SEC24B: variants seen among roughly 807,000 people sequenced by gnomAD.
The protein encoded by SEC24B is SEC24 homolog B, COPII component, also known as protein transport protein Sec24B.
Under a neutral mutation model 142.8 loss-of-function variants are expected in SEC24B, and 45 were observed. The ratio of observed to expected loss-of-function variants is 0.32; its 90% CI spans 0.25 to 0.40. The LOEUF (loss-of-function observed/expected upper bound fraction) is 0.40, where lower values mean the gene tolerates loss of function less well. Among genes scored for constraint, SEC24B ranks in the 10% least tolerant of loss-of-function variants. The pLI, the probability that SEC24B is intolerant of heterozygous loss-of-function variation, is 1.00. For missense variants in SEC24B, 1,409 were observed against 1,526.8 expected (o/e 0.92, Z 1.29); for synonymous variants, 574 against 568.2 (o/e 1.01, Z -0.15).
chr4:109,439,526 G>C (rs1275279090), intron 1 of SEC24B, among the ~76,000 whole-genome samples: 1 of 45,406 alleles, frequency 2.2e-5, no homozygotes, highest in Admixed American at 4.1e-4. Context: ...TTTTGAGACT[G>C]AGTTTCAGTC....
intron 1 of SEC24B, among the ~76,000 whole-genome samples, chr4:109,445,945 CAAATT>C (rs1254701675): frequency 6.8e-6 from 1 of 147,254 alleles, no homozygotes; most frequent in African/African-American, 2.5e-5. Context: ...GTGCAATAAT[CAAATT>C]AATTTATTCT....
At chr4:109,445,226 TTTTC>T (rs1241772653) in intron 1 of SEC24B, among the ~76,000 whole-genome samples, 10 of 149,924 alleles carry the variant, frequency 6.7e-5, no homozygotes, top group Non-Finnish European at 1.2e-4. Flanking sequence ...TTTTTTAGTT[TTTTC>T]TTTCTTTCTT....
intron 2 of SEC24B, among the ~76,000 whole-genome samples, chr4:109,469,034 G>A (rs1649032470): frequency 6.6e-6 from 1 of 152,158 alleles, no homozygotes; most frequent in African/African-American, 2.4e-5. Context: ...GGCTCAGCCT[G>A]TAATTGCAGC....
intron 1 of SEC24B, among the ~76,000 whole-genome samples, chr4:109,457,266 G>C (rs1730780839): frequency 6.6e-6 from 1 of 152,206 alleles, no homozygotes; most frequent in Non-Finnish European, 1.5e-5. Context: ...TTTTTCTGCA[G>C]TTATGAAGTC....
Position 109,463,591 on chromosome 4 carries a change from T to C in SEC24B, c.824T>C (p.Ile275Thr). 6.2e-7 allele frequency: 1 copy of C among 1,614,084 alleles called. No homozygotes were observed. Among genetic ancestry groups the C allele is most frequent in the East Asian group, 2.2e-5 (1 of 44,878 alleles). ...CTTCCATCGACTCAAGACAATCTCA[T>C]CCGAAACCACACAGGATCCCTGGCT... ...PGLPSTQDNL[I>T]RNHTGSLAVA... The change falls in exon 2 of 24, where the codon ATC becomes ACC. Residue 275 changes from isoleucine (I) to threonine (T), a missense_variant. Physicochemically the swap from Ile to Thr is moderately conservative, Grantham distance 89. Coordinates refer to ENST00000265175, the MANE Select transcript of SEC24B (RefSeq NM_006323.5).
chr4:109,528,330 G>A (rs1386460558), intron 18 of SEC24B, among the ~76,000 whole-genome samples: 1 of 151,734 alleles, frequency 6.6e-6, no homozygotes, highest in Non-Finnish European at 1.5e-5. Context: ...GGAGGTTGAG[G>A]CAGGAAAATC....
At chr4:109,531,307 T>C (rs1724904303) in intron 19 of SEC24B, 78 bp from the exon 20 acceptor site, 3 of 1,205,154 alleles carry the variant, frequency 2.5e-6, no homozygotes, top group Middle Eastern at 4.4e-4. Context: ...TTTTCCATGA[T>C]TGACAGTGTA....
chr4:109,517,013 C>T (rs1238872456), intron 11 of SEC24B, among the ~76,000 whole-genome samples: 1 of 152,076 alleles, frequency 6.6e-6, no homozygotes, highest in East Asian at 1.9e-4. Flanking sequence ...GGAAACTGCA[C>T]ACTTTGGGGA....
chr4:109,492,960 T>G (rs1021863832), intron 5 of SEC24B, among the ~76,000 whole-genome samples: 1 of 151,934 alleles, frequency 6.6e-6, no homozygotes, highest in Non-Finnish European at 1.5e-5. Context: ...CTACAAACAG[T>G]CCTTCCACCT....
chr4:109,470,315 C>T (rs1732380031), intron 2 of SEC24B, among the ~76,000 whole-genome samples: 1 of 152,214 alleles, frequency 6.6e-6, no homozygotes, highest in Non-Finnish European at 1.5e-5. Context: ...GGTTCTAATT[C>T]ACCAGGTCTT....
chr4:109,489,903 C>A (rs1274847082), intron 4 of SEC24B, among the ~76,000 whole-genome samples: 1 of 151,642 alleles, frequency 6.6e-6, no homozygotes, highest in East Asian at 1.9e-4. Context: ...TTAAAATTCA[C>A]AAATAAAAGG....
At chr4:109,471,303 C>T (rs1732500364) in intron 2 of SEC24B, among the ~76,000 whole-genome samples, 1 of 151,888 alleles carries the variant, frequency 6.6e-6, no homozygotes. Context: ...ACCACCATGC[C>T]CGACTAATTT....
chr4:109,534,634 T>A (rs908680001), intron 22 of SEC24B, among the ~76,000 whole-genome samples: 6 of 152,156 alleles, frequency 3.9e-5, no homozygotes, highest in African/African-American at 1.2e-4. Flanking sequence ...TGTGTGTCAG[T>A]GATTCAAAAA....
chr4:109,526,516 ATTAG>A, intron 17 of SEC24B, 117 bp downstream of exon 17: 3 of 674,464 alleles, frequency 4.4e-6, no homozygotes, highest in Non-Finnish European at 2.4e-6. Flanking sequence ...TGGAATTTGT[ATTAG>A]TTAATCAAAC....
At position 109,521,500 on chromosome 4, in the gene SEC24B, T is replaced by G; in HGVS notation, c.2382T>G (p.Leu794=). ...RETHSALGPA[L]QAAFKLMSPT... ...CACACAGTGCCCTTGGTCCTGCACT[T>G]CAGGCTGCCTTTAAATTAATGTCTC... The change falls in exon 14 of 24, where the codon CTT becomes CTG. Residue 794 remains leucine (L), a synonymous_variant. Coordinates refer to ENST00000265175, the MANE Select transcript of SEC24B (RefSeq NM_006323.5). The G allele has an allele frequency of 6.2e-7, 1 of 1,614,188 alleles. No individual in the cohort carries two copies.
At position 109,468,901 on chromosome 4, in the gene SEC24B, A is replaced by G. The variant is rs558291163; in HGVS notation, c.878-4103A>G. Reference sequence around the variant, plus strand: ...GCTTACTTTTACAGGATATATGAATAAAGGAGTATTCTTTTCAGAGGCCAT... The same window carrying G: ...GCTTACTTTTACAGGATATATGAATGAAGGAGTATTCTTTTCAGAGGCCAT... On this transcript the variant is annotated intron_variant, in intron 2 of 23. Coordinates refer to ENST00000265175, the MANE Select transcript of SEC24B (RefSeq NM_006323.5). 1.8e-3 allele frequency among the ~76,000 whole-genome samples: 274 copies of G among 152,232 alleles called. 3 individuals are homozygous for G. In the Middle Eastern group the frequency reaches 0.024, roughly 13 times the overall value.
intron 8 of SEC24B, 73 bp from the exon 9 acceptor site, chr4:109,511,884 A>G: frequency 7.0e-7 from 1 of 1,438,114 alleles, no homozygotes; most frequent in South Asian, 1.2e-5. Context: ...CTGTATTTGG[A>G]GCAGATCTGT....
At chr4:109,445,939 A>C (rs1729412277) in intron 1 of SEC24B, among the ~76,000 whole-genome samples, 2 of 150,594 alleles carry the variant, frequency 1.3e-5, no homozygotes, top group Admixed American at 6.6e-5. Flanking sequence ...TGGGGAGTGC[A>C]ATAATCAAAT....
intron 22 of SEC24B, among the ~76,000 whole-genome samples, chr4:109,536,896 A>G (rs2126108958): frequency 6.6e-6 from 1 of 152,210 alleles, no homozygotes; most frequent in Non-Finnish European, 1.5e-5. Context: ...CAAAAGATCA[A>G]TAAATCTGAA....
Sources: gnomAD v4.1 joint callset for allele counts (sites outside exome capture counted in the v4.1 genomes callset) on GRCh38, gnomAD v4.1.1 for gene constraint, MANE v1.5 for transcripts, NCBI Gene and HGNC (gene_info 2026-07-23, HGNC 2026-07-21) for gene names.